IQSEC1: variants seen among roughly 807,000 people sequenced by gnomAD.
The protein encoded by IQSEC1 is IQ motif and Sec7 domain ArfGEF 1.
Under a neutral mutation model 91.0 loss-of-function variants are expected in IQSEC1, and 31 were observed. The ratio of observed to expected loss-of-function variants is 0.34; its 90% confidence interval spans 0.26 to 0.46. The LOEUF is 0.46. Among genes scored for constraint, IQSEC1 ranks in the 20% least tolerant of loss-of-function variants. IQSEC1 has a pLI of 1.00. For missense variants in IQSEC1, 1,388 were observed against 1,575.6 expected (o/e 0.88, Z 2.02); for synonymous variants, 699 against 662.6 (o/e 1.05, Z -0.84).
chr3:13,274,993 G>C (rs546841409), intron 1 of IQSEC1, among the ~76,000 whole-genome samples: 1 of 152,212 alleles, frequency 6.6e-6, no homozygotes, highest in Non-Finnish European at 1.5e-5. Context: ...GCAGCCCAGC[G>C]TGGTGGTGAA....
At chr3:13,072,114 G>T (rs1211302051) in intron 1 of IQSEC1, among the ~76,000 whole-genome samples, 2 of 152,276 alleles carry the variant, frequency 1.3e-5, no homozygotes, top group Non-Finnish European at 2.9e-5. Flanking sequence ...CCCAGCTCAA[G>T]AGGACTCAGC....
At position 12,967,512 on chromosome 3, in the gene IQSEC1, CG is replaced by C; in HGVS notation, c.24-25648del. On this transcript the variant is annotated intron_variant, in intron 1 of 13. Transcript: ENST00000613206. This position sits in a 1 kb window ranked among gnomAD's most constrained non-coding sequence, Gnocchi z 5.9. ...GGGACCCAGGCCCAGCAGAGGCCGC[CG>C]ACTCCCGCCAGCGAGCCGCCGGATC... The C allele has an allele frequency of 7.1e-7, 1 of 1,417,726 alleles. No homozygotes were observed. Among genetic ancestry groups the C allele is most frequent in the Non-Finnish European group, 9.1e-7 (1 of 1,093,556 alleles). The allele number at this position is 1,417,726 out of a possible 1,614,324, so 87.8% of individuals were successfully genotyped here.
Position 13,279,868 on chromosome 3 carries a change from C to A in IQSEC1, c.272+2843G>T, listed in dbSNP as rs932232596. Among the ~76,000 whole-genome samples the A allele has an allele frequency of 4.6e-5, 7 of 152,190 alleles. 1 individual carries two copies. The South Asian group carries it at 1.4e-3, about 32-fold the overall frequency. On this transcript the variant is annotated intron_variant, in intron 1 of 15. Transcript: ENST00000648114. ...TTGGGAAACCCATGCTCAACCCCCA[C>A]CTAGCCTCTGGGCAGCCCTTCTCAC... is the stretch of plus-strand genomic sequence containing the variant.
chr3:13,025,724 C>T (rs140836716), intron 1 of IQSEC1, among the ~76,000 whole-genome samples: 242 of 152,330 alleles, frequency 1.6e-3, no homozygotes, highest in Middle Eastern at 6.8e-3. Context: ...ATACTCGACT[C>T]CCGCCTGGGG....
chr3:13,248,902 T>C (rs1316820867), intron 1 of IQSEC1, among the ~76,000 whole-genome samples: 1 of 95,366 alleles, frequency 1.0e-5, no homozygotes, highest in Non-Finnish European at 1.9e-5. Context: ...GTCACGTAGC[T>C]GCACAGACAG....
intron 3 of IQSEC1, among the ~76,000 whole-genome samples, chr3:12,933,075 G>C (rs1327764430): frequency 1.3e-5 from 2 of 152,260 alleles, no homozygotes; most frequent in Non-Finnish European, 2.9e-5. Flanking sequence ...TTGCTAGGAA[G>C]GGGTGGGAAC....
rs1694512877 is a variant in IQSEC1, at chr3:13,214,787, G to T, written c.273-50654C>A. 6.6e-6 allele frequency among the ~76,000 whole-genome samples: 1 copy of T among 152,256 alleles called. No individual in the cohort carries two copies. The highest frequency in any genetic ancestry group is 1.5e-5 in the Non-Finnish European group (1 of 68,044). ...CTGGTTTTCTGACCTTCCAGATGGTGTGCGGCACCTGGCATTCTGGAACTT... is the reference window on the plus strand; with the variant it reads ...CTGGTTTTCTGACCTTCCAGATGGTTTGCGGCACCTGGCATTCTGGAACTT... On this transcript the variant is annotated intron_variant, in intron 1 of 15. Coordinates refer to the IQSEC1 transcript ENST00000648114. The surrounding 1 kb of genome is among the most constrained non-coding windows in gnomAD (Gnocchi z 4.5).
intron 1 of IQSEC1, among the ~76,000 whole-genome samples, chr3:13,069,639 G>A (rs1705349742): frequency 6.6e-6 from 1 of 152,230 alleles, no homozygotes. Flanking sequence ...GCATGGGTAG[G>A]CGAGTGCTCC....
rs533527492 is a variant in IQSEC1 at position 13,027,614 on chromosome 3, G to A, written c.23+45378C>T. Among the ~76,000 whole-genome samples the A allele has an allele frequency of 7.2e-5, 11 of 152,314 alleles. No homozygotes were observed. The East Asian group carries it at 2.1e-3, about 29-fold the overall frequency. On this transcript the variant is annotated intron_variant, in intron 1 of 13. Coordinates refer to ENST00000613206, the MANE Select transcript of IQSEC1 (RefSeq NM_001134382.3). ...TGTCTGATCAATAAGATGAGGAGGT[G>A]AGAGAGAAAAGAGGAGTGGAAGATG...
intron 13 of IQSEC1, 94 bp from the exon 14 acceptor site, chr3:12,901,616 T>G (rs1694317096): frequency 1.9e-6 from 2 of 1,070,366 alleles, no homozygotes; most frequent in Non-Finnish European, 2.7e-6. Flanking sequence ...ATTCACCCAC[T>G]GACTGCTAAG....
intron 1 of IQSEC1, among the ~76,000 whole-genome samples, chr3:13,055,960 G>A (rs557805568): frequency 3.9e-5 from 6 of 152,058 alleles, no homozygotes; most frequent in Admixed American, 6.5e-5. Context: ...TAGCACCACC[G>A]AGATGTCCCC....
intron 1 of IQSEC1, among the ~76,000 whole-genome samples, chr3:12,984,143 G>A (rs924454961): frequency 3.9e-5 from 6 of 152,168 alleles, no homozygotes; most frequent in South Asian, 2.1e-4. Flanking sequence ...AATTCACCAG[G>A]CTGGGTCTAA....
chr3:13,151,661 C>T (rs748830067), intron 2 of IQSEC1, among the ~76,000 whole-genome samples: 3 of 152,194 alleles, frequency 2.0e-5, no homozygotes, highest in Non-Finnish European at 2.9e-5. Flanking sequence ...ATCATGTCTA[C>T]ATCACTAGAA....
Position 12,967,741 on chromosome 3 carries a change from G to C in IQSEC1, c.24-25876C>G. On this transcript the variant is annotated intron_variant, in intron 1 of 13. Coordinates refer to ENST00000613206, the MANE Select transcript of IQSEC1 (RefSeq NM_001134382.3). This position sits in a 1 kb window ranked among gnomAD's most constrained non-coding sequence, Gnocchi z 5.9. The stretch of plus-strand genomic sequence containing the variant: ...ATGTGGCCCTGAAGTGGGCGGGGCA[G>C]GGCGGGGGCGGGGCCGGAGGGCGAG... 1.9e-6 allele frequency: 2 copies of C among 1,046,008 alleles called. No homozygotes were observed. The highest frequency in any genetic ancestry group is 2.3e-6 in the Non-Finnish European group (2 of 869,218). The allele number at this position is 1,046,008 out of a possible 1,614,324, so 64.8% of individuals were successfully genotyped here. A position where few individuals can be genotyped will look rare whatever the true frequency, so the allele number is the denominator to read the frequency against.
At chr3:13,256,495 C>G (rs1197057812) in intron 1 of IQSEC1, among the ~76,000 whole-genome samples, 1 of 152,186 alleles carries the variant, frequency 6.6e-6, no homozygotes, top group Non-Finnish European at 1.5e-5. Context: ...CCATCCTTAT[C>G]CCCCACCTGA....
chr3:12,926,270 A>G (rs185823575), intron 3 of IQSEC1, among the ~76,000 whole-genome samples: 25 of 150,240 alleles, frequency 1.7e-4, no homozygotes, highest in Admixed American at 6.0e-4. Flanking sequence ...AGATTGTACC[A>G]CTACACTCCA....
intron 1 of IQSEC1, among the ~76,000 whole-genome samples, chr3:13,237,453 C>A (rs1278428787): frequency 6.6e-6 from 1 of 152,228 alleles, no homozygotes; most frequent in Admixed American, 6.5e-5. Context: ...TTTATTCCCT[C>A]GGTTCCTGCC....
chr3:13,021,944 A>G (rs776900459), intron 1 of IQSEC1: 27 of 898,318 alleles, frequency 3.0e-5, no homozygotes, highest in Non-Finnish European at 3.5e-5. Context: ...CCTCCATCCC[A>G]GCTCCTTCCT....
chr3:13,180,882 A>ACAC (rs1693830141), intron 1 of IQSEC1, among the ~76,000 whole-genome samples: 1 of 151,222 alleles, frequency 6.6e-6, no homozygotes, highest in African/African-American at 2.4e-5. Flanking sequence ...AACTCCGGAC[A>ACAC]TGCCACCTTT....
Sources: allele counts gnomAD v4.1 joint callset (sites outside exome capture counted in the v4.1 genomes callset), GRCh38; gene constraint gnomAD v4.1.1; non-coding constraint Gnocchi (gnomAD v3.1); transcripts MANE v1.5; gene names NCBI Gene and HGNC (gene_info 2026-07-23, HGNC 2026-07-21).